Variants in TAAR5 observed in about 807,000 individuals in gnomAD.
The protein encoded by TAAR5 is trace amine associated receptor 5.
A neutral mutation model predicts 21.1 loss-of-function variants in TAAR5; 27 were observed. The ratio of observed to expected loss-of-function variants is 1.28; its 90% CI spans 0.94 to 1.76. The LOEUF (loss-of-function observed/expected upper bound fraction) is 1.76. Ranked by LOEUF, TAAR5 falls within the 40% of genes most tolerant of loss-of-function variation. The pLI is 0.00. For missense variants in TAAR5, 495 were observed against 405.6 expected, an observed-to-expected ratio of 1.22 and a Z score of -1.89; for synonymous variants, 203 against 167.5, an observed-to-expected ratio of 1.21 and a Z score of -1.64.
At chr6:132,601,395 T>C in the TAAR5 span, among the ~76,000 whole-genome samples, 1 of 152,238 alleles carries the variant, frequency 6.6e-6, no homozygotes, top group Admixed American at 6.5e-5. Flanking sequence ...AGAATGCAGA[T>C]AGCTAGAGGA....
upstream of TAAR5, among the ~76,000 whole-genome samples, chr6:132,590,678 T>C (rs1272136731): frequency 6.6e-6 from 1 of 152,258 alleles, no homozygotes; most frequent in Admixed American, 6.5e-5. Flanking sequence ...AGAGGCACCA[T>C]GGGACCTAGT....
At chr6:132,603,317 A>AAG in the TAAR5 span, among the ~76,000 whole-genome samples, 1 of 151,600 alleles carries the variant, frequency 6.6e-6, no homozygotes, top group African/African-American at 2.4e-5. Context: ...AAAAAAAAAA[A>AAG]AAAAAGAAAG....
the TAAR5 span, among the ~76,000 whole-genome samples, chr6:132,611,216 GAAA>G: frequency 2.8e-5 from 4 of 142,908 alleles, no homozygotes; most frequent in African/African-American, 1.0e-4. Flanking sequence ...CTAAAAAAAA[GAAA>G]AAAAAAAAAG....
Position 132,589,702 on chromosome 6 carries a change from T to C in TAAR5, c.-16A>G. On this transcript the variant is annotated 5_prime_UTR_variant, in exon 1 of 1. Coordinates refer to ENST00000258034, the MANE Select transcript of TAAR5 (RefSeq NM_003967.3). ...CAGCTCTCATTTATGATTTCTACTC[T>C]TCCTCTGTCTGAGAACTGGCCACCT... 1 of 1,391,864 alleles carries C rather than the reference T, an allele frequency of 7.2e-7. No individual in the cohort carries two copies. Among genetic ancestry groups the C allele is most frequent in the Non-Finnish European group, 9.5e-7 (1 of 1,056,548 alleles). The allele number at this position is 1,391,864 out of a possible 1,614,324, so 86.2% of individuals were successfully genotyped here. A position where few individuals can be genotyped will look rare whatever the true frequency, so the allele number is the denominator to read the frequency against.
chr6:132,610,218 T>C, the TAAR5 span, among the ~76,000 whole-genome samples: 1 of 152,156 alleles, frequency 6.6e-6, no homozygotes, highest in Admixed American at 6.5e-5. Context: ...TGCTTCGGAA[T>C]ACACATCAAT....
upstream of TAAR5, among the ~76,000 whole-genome samples, chr6:132,592,283 C>A (rs1776916769): frequency 6.6e-6 from 1 of 152,188 alleles, no homozygotes; most frequent in African/African-American, 2.4e-5. Flanking sequence ...CCAACTTTAA[C>A]AAAATCGATT....
chr6:132,600,593 G>A, the TAAR5 span, among the ~76,000 whole-genome samples: 110 of 152,062 alleles, frequency 7.2e-4, no homozygotes, highest in South Asian at 4.6e-3. Context: ...AGGTTAATTT[G>A]TAAAAGGAAA....
At chr6:132,611,910 C>T in the TAAR5 span, among the ~76,000 whole-genome samples, 10 of 152,126 alleles carry the variant, frequency 6.6e-5, no homozygotes, top group African/African-American at 2.2e-4. Flanking sequence ...CAGAAAAATA[C>T]ACAGTTTTTA....
the TAAR5 span, among the ~76,000 whole-genome samples, chr6:132,611,631 C>T: frequency 1.3e-5 from 2 of 151,974 alleles, no homozygotes; most frequent in Non-Finnish European, 2.9e-5. Flanking sequence ...GGATAGGGTA[C>T]CCCAAAATAT....
At chr6:132,614,353 C>T in the TAAR5 span, among the ~76,000 whole-genome samples, 2 of 152,150 alleles carry the variant, frequency 1.3e-5, no homozygotes, top group African/African-American at 2.4e-5. Flanking sequence ...AATTTACCAA[C>T]CTTGTCAAAT....
At chr6:132,598,662 GC>G in the TAAR5 span, among the ~76,000 whole-genome samples, 1 of 152,148 alleles carries the variant, frequency 6.6e-6, no homozygotes, top group Admixed American at 6.5e-5. Context: ...CCTATGTCCT[GC>G]TTTTGACCCG....
the TAAR5 span, among the ~76,000 whole-genome samples, chr6:132,609,618 G>A: frequency 2.0e-5 from 3 of 152,246 alleles, no homozygotes; most frequent in Non-Finnish European, 4.4e-5. Context: ...AGATTTTCAA[G>A]AATGTTTGGG....
chr6:132,597,010 T>G, the TAAR5 span, among the ~76,000 whole-genome samples: 8 of 152,166 alleles, frequency 5.3e-5, no homozygotes, highest in African/African-American at 1.9e-4. Flanking sequence ...ATTTCAGCAT[T>G]TGCCACTATA....
the TAAR5 span, among the ~76,000 whole-genome samples, chr6:132,601,466 G>A: frequency 6.6e-6 from 1 of 152,150 alleles, no homozygotes; most frequent in African/African-American, 2.4e-5. Flanking sequence ...TGGGCAGCAA[G>A]AAATATGTAC....
the TAAR5 span, among the ~76,000 whole-genome samples, chr6:132,604,386 G>C: frequency 1.3e-5 from 2 of 151,958 alleles, no homozygotes; most frequent in Non-Finnish European, 1.5e-5. Flanking sequence ...CAGGTGATCC[G>C]TCTGTCTCAG....
At chr6:132,613,527 A>G in the TAAR5 span, among the ~76,000 whole-genome samples, 6,626 of 152,290 alleles carry the variant, frequency 0.044, 259 homozygotes, top group African/African-American at 0.093. Context: ...AATAATTACA[A>G]ATAATTTCCC....
At position 132,589,173 on chromosome 6, in the gene TAAR5, T is replaced by A. The variant is rs762099730; in HGVS notation, c.514A>T (p.Thr172Ser). 3.7e-5 allele frequency: 60 copies of A among 1,608,234 alleles called. No individual in the cohort carries two copies. The highest frequency in any genetic ancestry group is 4.6e-5 in the Non-Finnish European group (54 of 1,177,292). The change falls in exon 1 of 1, where the codon ACA (threonine) becomes TCA (serine). Residue 172 changes from threonine to serine, a missense_variant. Physicochemically the swap from Thr to Ser is moderately conservative, Grantham distance 58. Coordinates refer to ENST00000258034, the MANE Select transcript of TAAR5 (RefSeq NM_003967.3). ...CTGAGCCTTGTCTCTACCACATCTG[T>A]GTAGAGGAATAACGAAGTGTATGCT... Reference protein sequence around the residue: ...PAAYTSLFLYTDVVETRLSQW... With the variant: ...PAAYTSLFLYSDVVETRLSQW...
At chr6:132,597,828 T>C in the TAAR5 span, among the ~76,000 whole-genome samples, 1 of 152,318 alleles carries the variant, frequency 6.6e-6, no homozygotes, top group East Asian at 1.9e-4. Flanking sequence ...TCAAATGTAG[T>C]TCTTTAAGGG....
chr6:132,607,545 G>C, the TAAR5 span, among the ~76,000 whole-genome samples: 1 of 152,246 alleles, frequency 6.6e-6, no homozygotes, highest in South Asian at 2.1e-4. Flanking sequence ...GTGATTGCTG[G>C]CCAATCATGG....
Sources: allele counts gnomAD v4.1 joint callset (sites outside exome capture counted in the v4.1 genomes callset), GRCh38; gene constraint gnomAD v4.1.1; transcripts MANE v1.5; gene names NCBI Gene and HGNC (gene_info 2026-07-23, HGNC 2026-07-21).